Variants in SF1 observed in about 807,000 individuals in gnomAD.
SF1 encodes branch point-binding protein.
A neutral mutation model predicts 62.5 loss-of-function variants in SF1; 7 were observed. The ratio of observed to expected loss-of-function variants is 0.11; its 90% confidence interval spans 0.06 to 0.21. The LOEUF (loss-of-function observed/expected upper bound fraction) is 0.21, where lower values mean the gene tolerates loss of function less well. Among genes scored for constraint, SF1 ranks in the 10% least tolerant of loss-of-function variants. SF1 has a pLI of 1.00. For synonymous variants in SF1, 394 were observed against 323.6 expected (o/e 1.22, Z -2.33); for missense variants, 578 against 884.0 (o/e 0.65, Z 4.39).
At chr11:64,776,774 A>C (rs1008470052) in intron 1 of SF1, 148 bp from the exon 2 acceptor site, 1 of 722,598 alleles carries the variant, frequency 1.4e-6, no homozygotes, top group South Asian at 1.9e-5. Context: ...AACAGAAAAC[A>C]AACCTCAGAG....
intron 8 of SF1, among the ~76,000 whole-genome samples, chr11:64,768,505 CCCTGGGCGAAGAGCACAGGA>C (rs1345143433): frequency 6.6e-6 from 1 of 152,188 alleles, no homozygotes; most frequent in Non-Finnish European, 1.5e-5. Flanking sequence ...GTAGAGGGGC[CCCTGGGCGAAGAGCACAGGA>C]GACCCTGAGC....
chr11:64,772,788 C>T, intron 3 of SF1: 3 of 985,236 alleles, frequency 3.0e-6, no homozygotes, highest in Non-Finnish European at 3.6e-6. Flanking sequence ...GTTTGAGGCC[C>T]ACGCTCCCTT....
chr11:64,775,654 G>GT (rs1198642456), intron 2 of SF1, among the ~76,000 whole-genome samples: 2 of 152,202 alleles, frequency 1.3e-5, no homozygotes, highest in Admixed American at 6.5e-5. Context: ...CAAAGGGGAT[G>GT]TTTATTTGGT....
chr11:64,777,200 T>G (rs1454955043), intron 1 of SF1, among the ~76,000 whole-genome samples: 1 of 152,204 alleles, frequency 6.6e-6, no homozygotes, highest in Non-Finnish European at 1.5e-5. Flanking sequence ...AGTTGGACAC[T>G]GAGGGTCTGA....
chr11:64,767,760 C>T lies in SF1; in HGVS notation c.1153G>A (p.Gly385Ser). ...ESRPYHGMHG[G>S]GPGGPGGGPH... ...CCACCTCCGGGCCCACCAGGACCAC[C>T]TCCATGCATGCCGTGGTAGGGCCGA... is the stretch of plus-strand genomic sequence containing the variant. Residue 385 changes from glycine to serine, a missense_variant, in exon 10 of 13, where the codon GGT (glycine) becomes AGT (serine). Physicochemically the swap from Gly to Ser is moderately conservative, Grantham distance 56. Transcript: ENST00000377390. 4 of 1,613,638 alleles carry T rather than the reference C, an allele frequency of 2.5e-6. No individual in the cohort carries two copies. The highest frequency in any genetic ancestry group is 3.4e-6 in the Non-Finnish European group (4 of 1,179,760).
chr11:64,777,371 G>T, intron 1 of SF1: 1 of 400,610 alleles, frequency 2.5e-6, no homozygotes, highest in Non-Finnish European at 3.4e-6. Context: ...AAAACAAAGC[G>T]ACAGGGCAGC....
In SF1 at chr11:64,767,797, G is replaced by T. The variant is rs1423001947; in HGVS notation, c.1116C>A (p.Gly372=). 1 of 1,613,834 alleles carries T rather than the reference G, an allele frequency of 6.2e-7. No homozygotes were observed. The highest frequency in any genetic ancestry group is 8.5e-7 in the Non-Finnish European group (1 of 1,179,850). ...CGTGGTAGGGCCGACTCTCTGAAGG[G>T]CCAGAATTCATCCAGGGTGGGCGGC... is the stretch of plus-strand genomic sequence containing the variant. ...TQSRPPWMNS[G]PSESRPYHGM... The change falls in exon 10 of 13, where the codon GGC becomes GGA. Residue 372 remains glycine (G), a synonymous_variant. Transcript: ENST00000377390.
rs571609911 is a variant in SF1 at position 64,767,850 on chromosome 11, T to G, written c.1069-6A>C. On this transcript the variant is annotated splice_polypyrimidine_tract_variant and splice_region_variant and intron_variant, in intron 9 of 12. Transcript: ENST00000377390. ...TGGGTGGTAGACATGAGAGACTACG[T>G]GAGAGCATTTCCTGCCAACGTCCCT... is the stretch of plus-strand genomic sequence containing the variant. The G allele has an allele frequency of 6.2e-7, 1 of 1,606,604 alleles. No individual in the cohort carries two copies. The highest frequency in any genetic ancestry group is 1.1e-5 in the South Asian group (1 of 90,140).
At position 64,775,014 on chromosome 11, in the gene SF1, C is replaced by A. The variant is rs111876560; in HGVS notation, c.160+1484G>T. ...GCATCCTGGACAAAGCAGTATGTAC[C>A]GTGGGAGACAGAAAAGTAGTAAGAC... On this transcript the variant is annotated intron_variant, in intron 2 of 12. Coordinates refer to ENST00000377390, the MANE Select transcript of SF1 (RefSeq NM_004630.4). Among the ~76,000 whole-genome samples the A allele has an allele frequency of 1.0e-3, 151 of 151,654 alleles. 1 individual carries two copies. In the Middle Eastern group the frequency reaches 0.027, roughly 27 times the overall value.
At chr11:64,766,870 A>AC (rs2058711885) in intron 12 of SF1, 30 bp downstream of exon 12, 3 of 179,778 alleles carry the variant, frequency 1.7e-5, no homozygotes, top group South Asian at 9.1e-5. Flanking sequence ...CATCCCACCC[A>AC]CCCCCACAAG....
rs1375052594 is a variant in SF1 at position 64,765,849 on chromosome 11, G to A, written c.1889C>T (p.Pro630Leu). ...CTGTGGTGGAGGCGGTGGGGGAGCT[G>A]GAGGCATCCCGAAGGGCGGCATGCC... The part of the protein sequence containing the change: ...VAGMPPFGMP[P>L]APPPPPPQN Residue 630 changes from proline (P) to leucine (L), a missense_variant, in exon 13 of 13, where the codon CCA (proline) becomes CTA (leucine). Physicochemically the swap from Pro to Leu is moderately conservative, Grantham distance 98 (BLOSUM62 -3). Around this residue, in one of 7 missense-constraint regions of SF1, gnomAD observed 410 missense variants for 452.4 expected, o/e 0.91. Transcript: ENST00000377390. 1.9e-6 allele frequency: 3 copies of A among 1,556,980 alleles called. No individual in the cohort carries two copies. Among genetic ancestry groups the A allele is most frequent in the Non-Finnish European group, 2.6e-6 (3 of 1,151,008 alleles).
Position 64,766,883 on chromosome 11 carries a change from C to CA in SF1, c.1582+16dup. On this transcript the variant is annotated intron_variant, in intron 12 of 12. Transcript: ENST00000377390. Reference sequence around the variant, plus strand: ...CCCATCCCACCCACCCCCACAAGCCCAAAATATTCTACTCACTTTGCTGCC... The same window carrying CA: ...CCCATCCCACCCACCCCCACAAGCCCAAAAATATTCTACTCACTTTGCTGCC... 1 of 1,401,684 alleles carries CA rather than the reference C, an allele frequency of 7.1e-7. No homozygotes were observed. 86.8% of individuals were successfully genotyped at this position (1,401,684 alleles called of 1,614,324 possible). A position where few individuals can be genotyped will look rare whatever the true frequency, so the allele number is the denominator to read the frequency against.
chr11:64,766,673 C>T, intron 12 of SF1: 2 of 456,210 alleles, frequency 4.4e-6, no homozygotes, highest in Non-Finnish European at 7.7e-6. Flanking sequence ...GCAGGCTCCC[C>T]TCCAGGCCCC....
At position 64,770,069 on chromosome 11, in the gene SF1, C is replaced by T; in HGVS notation, c.390-16G>A. 6.2e-7 allele frequency: 1 copy of T among 1,606,806 alleles called. No individual in the cohort carries two copies. Among genetic ancestry groups the T allele is most frequent in the Non-Finnish European group, 8.5e-7 (1 of 1,173,558 alleles). ...TGCTGGAGGTCTAAGAAAGAAAAGC[C>T]TGTGTCACCGCACATTTCTGGAGAA... On this transcript the variant is annotated splice_polypyrimidine_tract_variant and intron_variant, in intron 4 of 12. Coordinates refer to ENST00000377390, the MANE Select transcript of SF1 (RefSeq NM_004630.4).
At chr11:64,771,820 A>G in intron 3 of SF1, 1 of 985,394 alleles carries the variant, frequency 1.0e-6, no homozygotes, top group Non-Finnish European at 1.2e-6. Context: ...CCTTTTTAAG[A>G]AATTATCTTA....
At chr11:64,778,165 GGGCGGC>G (rs1206728161) in intron 1 of SF1, 191 bp downstream of exon 1, 4 of 898,724 alleles carry the variant, frequency 4.5e-6, no homozygotes, top group South Asian at 1.0e-4. Context: ...GAGGCGGAGG[GGGCGGC>G]GGCGGAGGCG....
At chr11:64,771,153 G>A (rs1278476243) in intron 3 of SF1, among the ~76,000 whole-genome samples, 4 of 152,166 alleles carry the variant, frequency 2.6e-5, no homozygotes, top group African/African-American at 9.7e-5. Flanking sequence ...AAACAGCAAG[G>A]GGAAAACCTA....
In SF1 at chr11:64,769,354, T is replaced by C. The variant is rs770692604; in HGVS notation, c.664-16A>G. The stretch of plus-strand genomic sequence containing the variant: ...TGTTTCTTATCTAGTGAAAATGCAA[T>C]GGACAGTTAAGTGCTTAGGGCCTCC... On this transcript the variant is annotated splice_polypyrimidine_tract_variant and intron_variant, in intron 6 of 12. Transcript: ENST00000377390. 1.2e-5 allele frequency: 20 copies of C among 1,613,924 alleles called. No individual in the cohort carries two copies. The highest frequency in any genetic ancestry group is 3.3e-5 in the South Asian group (3 of 91,086).
In SF1 at chr11:64,765,495, C is replaced by A; in HGVS notation, c.*323G>T. 1.2e-6 allele frequency: 2 copies of A among 1,611,720 alleles called. No homozygotes were observed. Among genetic ancestry groups the A allele is most frequent in the Non-Finnish European group, 1.7e-6 (2 of 1,179,128 alleles). On this transcript the variant is annotated 3_prime_UTR_variant, in exon 13 of 13. Coordinates refer to ENST00000377390, the MANE Select transcript of SF1 (RefSeq NM_004630.4). Reference sequence around the variant, plus strand: ...AAAGTCCTCACTCTCATGGCTCGGGCCATCGCCGCCGCGGGGAGGGATCCT... The same window carrying A: ...AAAGTCCTCACTCTCATGGCTCGGGACATCGCCGCCGCGGGGAGGGATCCT...
Sources: gnomAD v4.1 joint callset for allele counts (sites outside exome capture counted in the v4.1 genomes callset) on GRCh38, gnomAD v4.1.1 for gene constraint, gnomAD v4.1.1 regional missense constraint, MANE v1.5 for transcripts, NCBI Gene and HGNC (gene_info 2026-07-23, HGNC 2026-07-21) for gene names.